RASGRF2: variants seen among roughly 807,000 people sequenced by gnomAD.
RASGRF2 encodes the protein Ras protein specific guanine nucleotide releasing factor 2.
RASGRF2 carries 76 observed loss-of-function variants against 151.0 expected under a neutral mutation model. The observed-to-expected ratio is 0.50, with a 90% CI of 0.42 to 0.61. RASGRF2 has a LOEUF of 0.61. Among genes scored for constraint, RASGRF2 ranks in the 20% least tolerant of loss-of-function variants. The pLI is 0.00. For synonymous variants in RASGRF2, 504 were observed against 566.5 expected (o/e 0.89, Z 1.57); for missense variants, 1,148 against 1,564.6 (o/e 0.73, Z 4.49).
chr5:81,090,745 T>G (rs1320430843), intron 9 of RASGRF2, among the ~76,000 whole-genome samples: 2 of 152,222 alleles, frequency 1.3e-5, no homozygotes, highest in East Asian at 3.8e-4. Flanking sequence ...CAGTAATTGC[T>G]AATATATGAG....
chr5:81,113,368 T>G (rs1034819440), intron 14 of RASGRF2, 170 bp from the exon 15 acceptor site: 1 of 768,094 alleles, frequency 1.3e-6, no homozygotes, highest in Admixed American at 2.9e-5. Flanking sequence ...GTGTCTGTGC[T>G]TCTTTGGCAG....
intron 17 of RASGRF2, among the ~76,000 whole-genome samples, chr5:81,162,621 C>G (rs1399412269): frequency 6.6e-6 from 1 of 152,182 alleles, no homozygotes; most frequent in Non-Finnish European, 1.5e-5. Flanking sequence ...ACTGGGATTA[C>G]AGGCGTGAGC....
chr5:81,132,854 G>A (rs1034881491), intron 17 of RASGRF2, among the ~76,000 whole-genome samples: 1 of 152,124 alleles, frequency 6.6e-6, no homozygotes, highest in African/African-American at 2.4e-5. Flanking sequence ...CACACCTCAA[G>A]GAAAATAATA....
chr5:81,038,567 CTTTTTTT>C (rs56205345), intron 1 of RASGRF2, among the ~76,000 whole-genome samples: 7,034 of 84,010 alleles, frequency 0.084, 87 homozygotes, highest in East Asian at 0.2. Flanking sequence ...TAAATATTTG[CTTTTTTT>C]TTTTTTTTTT....
intron 12 of RASGRF2, among the ~76,000 whole-genome samples, chr5:81,097,753 T>C (rs548673911): frequency 6.6e-6 from 1 of 152,022 alleles, no homozygotes; most frequent in Admixed American, 6.5e-5. Context: ...TGAAAGGCAG[T>C]GTGGCTGGAG....
intron 15 of RASGRF2, among the ~76,000 whole-genome samples, chr5:81,116,031 G>T (rs1013170331): frequency 6.8e-6 from 1 of 147,506 alleles, no homozygotes. Context: ...TATAAGTAAA[G>T]GTGTGGTGGT....
intron 1 of RASGRF2, among the ~76,000 whole-genome samples, chr5:80,982,851 G>T (rs531075509): frequency 4.6e-5 from 7 of 151,892 alleles, no homozygotes; most frequent in African/African-American, 1.7e-4. Flanking sequence ...CTGCCCGCCT[G>T]GGCCTCCCAA....
chr5:81,036,638 G>A (rs965235358), intron 1 of RASGRF2, among the ~76,000 whole-genome samples: 3 of 151,856 alleles, frequency 2.0e-5, no homozygotes, highest in Non-Finnish European at 2.9e-5. Context: ...AATACTTAAG[G>A]ACATTGTATA....
intron 2 of RASGRF2, among the ~76,000 whole-genome samples, chr5:81,059,365 C>T (rs1171692003): frequency 7.5e-6 from 1 of 133,022 alleles, no homozygotes; most frequent in African/African-American, 2.9e-5. Flanking sequence ...GCCTGGGTGA[C>T]AGAGCGAGAC....
chr5:81,029,593 G>A (rs887633548), intron 1 of RASGRF2, among the ~76,000 whole-genome samples: 1 of 152,228 alleles, frequency 6.6e-6, no homozygotes, highest in African/African-American at 2.4e-5. Flanking sequence ...GGTCCTGACT[G>A]TTAGAAGGAA....
intron 1 of RASGRF2, among the ~76,000 whole-genome samples, chr5:81,000,602 C>G (rs1189608563): frequency 6.6e-6 from 1 of 152,096 alleles, no homozygotes; most frequent in Non-Finnish European, 1.5e-5. Flanking sequence ...AAGTCATTAA[C>G]AATAATTTAT....
At chr5:81,156,426 C>CATGAG (rs1386556163) in intron 17 of RASGRF2, among the ~76,000 whole-genome samples, 1 of 152,186 alleles carries the variant, frequency 6.6e-6, no homozygotes, top group Admixed American at 6.6e-5. Flanking sequence ...TAATATCCCT[C>CATGAG]ATGAGTAAAA....
intron 24 of RASGRF2, among the ~76,000 whole-genome samples, chr5:81,216,385 A>AC (rs60590172): frequency 1.3e-3 from 188 of 148,442 alleles, no homozygotes; most frequent in African/African-American, 4.2e-3. Context: ...ACACACACAC[A>AC]AACACACACA....
At chr5:81,019,189 C>T (rs1313391226) in intron 1 of RASGRF2, among the ~76,000 whole-genome samples, 1 of 152,138 alleles carries the variant, frequency 6.6e-6, no homozygotes, top group Non-Finnish European at 1.5e-5. Context: ...AAAAGAATAC[C>T]CTGGACTTCA....
At chr5:81,221,259 G>A (rs1215099356) in intron 26 of RASGRF2, among the ~76,000 whole-genome samples, 2 of 152,062 alleles carry the variant, frequency 1.3e-5, no homozygotes, top group South Asian at 2.1e-4. Flanking sequence ...CCTAAGGAAT[G>A]GAGAATTATG....
intron 15 of RASGRF2, among the ~76,000 whole-genome samples, chr5:81,120,375 G>T (rs1005869154): frequency 2.0e-5 from 3 of 152,006 alleles, no homozygotes; most frequent in African/African-American, 7.3e-5. Flanking sequence ...CTAGGAATTC[G>T]AGACCAGCCT....
At chr5:81,070,448 C>G in intron 3 of RASGRF2, 44 bp from the exon 4 acceptor site, 1 of 1,485,790 alleles carries the variant, frequency 6.7e-7, no homozygotes, top group Non-Finnish European at 9.4e-7. Flanking sequence ...TGGCTATAAT[C>G]CAGCATTTCC....
At chr5:80,973,170 C>A (rs548928755) in intron 1 of RASGRF2, among the ~76,000 whole-genome samples, 1 of 152,200 alleles carries the variant, frequency 6.6e-6, no homozygotes, top group African/African-American at 2.4e-5. Flanking sequence ...CTCTCCCCTG[C>A]TGCTCTGATA....
chr5:80,961,439 C>A (rs1009267508), intron 1 of RASGRF2, among the ~76,000 whole-genome samples: 1 of 152,106 alleles, frequency 6.6e-6, no homozygotes, highest in Non-Finnish European at 1.5e-5. Flanking sequence ...TCTGCCATAC[C>A]CGGCTGGCGC....
Sources: allele counts gnomAD v4.1 joint callset (sites outside exome capture counted in the v4.1 genomes callset), GRCh38; gene constraint gnomAD v4.1.1; transcripts MANE v1.5; gene names NCBI Gene and HGNC (gene_info 2026-07-23, HGNC 2026-07-21).